SNRNP40: variants seen among roughly 807,000 people sequenced by gnomAD.
SNRNP40 encodes the protein U5 small nuclear ribonucleoprotein 40 kDa protein.
In SNRNP40, 21 loss-of-function variants were observed where a neutral mutation model predicts 45.8. The observed-to-expected ratio is 0.46, with a 90% CI of 0.32 to 0.66. SNRNP40 has a LOEUF of 0.66. SNRNP40 is among the 30% of genes least tolerant of loss of function. The probability of loss-of-function intolerance (pLI) is 0.03; values close to 1 mark genes in which losing one functional copy is unlikely to be tolerated. For synonymous variants in SNRNP40, 142 were observed against 163.8 expected (o/e 0.87, Z 1.01); for missense variants, 344 against 439.1 (o/e 0.78, Z 1.94).
intron 4 of SNRNP40, among the ~76,000 whole-genome samples, chr1:31,283,898 T>C (rs576857717): frequency 1.3e-3 from 200 of 152,142 alleles, no homozygotes; most frequent in South Asian, 0.011. Context: ...TCAACATGGA[T>C]CAAGGACCTA....
chr1:31,291,879 G>A (rs1487372668), intron 3 of SNRNP40, 34 bp downstream of exon 3: 27 of 1,400,014 alleles, frequency 1.9e-5, no homozygotes, highest in Non-Finnish European at 2.4e-5. Context: ...GAATTAGTAT[G>A]AGAAGCTGTC....
chr1:31,286,785 GC>G lies in SNRNP40; in HGVS notation c.531+2468del, dbSNP rs767613620. ...ACTACTCCCTACAATGTACTGCCCT[GC>G]CCAGTGTGGATGCTCTCCTTACCAC... is the stretch of plus-strand genomic sequence containing the variant. On this transcript the variant is annotated intron_variant, in intron 4 of 9. Transcript: ENST00000263694. Among the ~76,000 whole-genome samples, 9 of 152,214 alleles carry G rather than the reference GC, an allele frequency of 5.9e-5. No homozygotes were observed. The East Asian group carries it at 1.5e-3, about 26-fold the overall frequency.
rs1645910789 is a variant in SNRNP40 at position 31,267,936 on chromosome 1, T to C, written c.859-4A>G. 3 of 1,608,906 alleles carry C rather than the reference T, an allele frequency of 1.9e-6. No individual in the cohort carries two copies. The highest frequency in any genetic ancestry group is 1.7e-6 in the Non-Finnish European group (2 of 1,175,576). ...ACCAAGAACATCTCAGAAGGTTCTA[T>C]GATAAACAAGAATCCACTGAATAGT... is the stretch of plus-strand genomic sequence containing the variant. On this transcript the variant is annotated splice_region_variant and splice_polypyrimidine_tract_variant and intron_variant, in intron 7 of 9. Coordinates refer to ENST00000263694, the MANE Select transcript of SNRNP40 (RefSeq NM_004814.3).
At chr1:31,281,650 A>G (rs1164724993) in intron 4 of SNRNP40, 154 bp from the exon 5 acceptor site, 2 of 579,408 alleles carry the variant, frequency 3.5e-6, no homozygotes, top group East Asian at 3.0e-5. Flanking sequence ...AATAACACAC[A>G]TGGTAAGCAG....
Position 31,278,824 on chromosome 1 carries a change from CG to C in SNRNP40, c.654+2549del, listed in dbSNP as rs1488102397. On this transcript the variant is annotated intron_variant, in intron 5 of 9. Coordinates refer to ENST00000263694, the MANE Select transcript of SNRNP40 (RefSeq NM_004814.3). ...GGGATGATGGAGTTGTGGAAGTAGA[CG>C]AGATCTGTCTTGGGGAATGTACACA... Among the ~76,000 whole-genome samples the C allele has an allele frequency of 3.3e-5, 5 of 152,028 alleles. No homozygotes were observed. The South Asian group carries it at 1.0e-3, about 32-fold the overall frequency.
intron 9 of SNRNP40, chr1:31,260,909 T>C: frequency 6.0e-6 from 5 of 827,458 alleles, no homozygotes; most frequent in Non-Finnish European, 7.7e-6. Flanking sequence ...AATACATCAT[T>C]GAAACAGACT....
At position 31,260,644 on chromosome 1, in the gene SNRNP40, C is replaced by T. The variant is rs563876899; in HGVS notation, c.1025-523G>A. Reference sequence around the variant, plus strand: ...TGGGAAGCTGAGGCGGGTGGATTACCAGAGGTCAGGAGTTTGAGACCAGCC... The same window carrying T: ...TGGGAAGCTGAGGCGGGTGGATTACTAGAGGTCAGGAGTTTGAGACCAGCC... On this transcript the variant is annotated intron_variant, in intron 9 of 9. Coordinates refer to ENST00000263694, the MANE Select transcript of SNRNP40 (RefSeq NM_004814.3). 2.7e-3 allele frequency among the ~76,000 whole-genome samples: 403 copies of T among 147,016 alleles called. 1 individual carries two copies. Among genetic ancestry groups the T allele is most frequent in the Non-Finnish European group, 4.9e-3 (321 of 65,700 alleles).
At position 31,261,557 on chromosome 1, in the gene SNRNP40, T is replaced by C. The variant is rs752814895; in HGVS notation, c.996A>G (p.Glu332=). 1 of 1,613,954 alleles carries C rather than the reference T, an allele frequency of 6.2e-7. No homozygotes were observed. Among genetic ancestry groups the C allele is most frequent in the South Asian group, 1.1e-5 (1 of 91,078 alleles). ...TGGGCTCATCAGGGTGGAAAGCCAC[T>C]TCATTGATGGAGCCAGCATGGCCGG... is the stretch of plus-strand genomic sequence containing the variant. ...KLPGHAGSIN[E]VAFHPDEPII... is the part of the protein sequence containing the mutation. The change falls in exon 9 of 10, where the codon GAA becomes GAG. Residue 332 remains glutamate, a synonymous_variant. Transcript: ENST00000263694.
At chr1:31,266,467 G>A (rs1645897557) in intron 8 of SNRNP40, among the ~76,000 whole-genome samples, 1 of 152,046 alleles carries the variant, frequency 6.6e-6, no homozygotes, top group Non-Finnish European at 1.5e-5. Flanking sequence ...CATCAGACTC[G>A]ACACCTGGAC....
chr1:31,266,730 A>C (rs981109496), intron 8 of SNRNP40, among the ~76,000 whole-genome samples: 9 of 152,230 alleles, frequency 5.9e-5, no homozygotes, highest in Non-Finnish European at 1.0e-4. Context: ...CACAGCTCTG[A>C]ATCATCTCCA....
At chr1:31,268,005 G>A (rs972534504) in intron 7 of SNRNP40, 73 bp from the exon 8 acceptor site, 3 of 1,037,374 alleles carry the variant, frequency 2.9e-6, no homozygotes, top group African/African-American at 3.2e-5. Flanking sequence ...ATCACTAAGA[G>A]GCTTTAAATT....
Position 31,259,978 on chromosome 1 carries a change from G to T in SNRNP40, c.*94C>A. The T allele has an allele frequency of 2.2e-6, 2 of 905,282 alleles. No individual in the cohort carries two copies. The highest frequency in any genetic ancestry group is 1.9e-6 in the Non-Finnish European group (1 of 537,066). 56.1% of individuals were successfully genotyped at this position (905,282 alleles called of 1,614,324 possible). A position where few individuals can be genotyped will look rare whatever the true frequency, so the allele number is the denominator to read the frequency against. On this transcript the variant is annotated 3_prime_UTR_variant, in exon 10 of 10. Coordinates refer to ENST00000263694, the MANE Select transcript of SNRNP40 (RefSeq NM_004814.3). ...TCTTGCTAGCAATGGTCATCTGAAG[G>T]GAGGGTGCTAGCCTGGACATCCAAC...
chr1:31,292,429 A>G (rs1411952016), intron 2 of SNRNP40, among the ~76,000 whole-genome samples: 1 of 152,216 alleles, frequency 6.6e-6, no homozygotes, highest in African/African-American at 2.4e-5. Flanking sequence ...AAGCCTATCA[A>G]TAATTCATAT....
At position 31,296,759 on chromosome 1, in the gene SNRNP40, A is replaced by C. The variant is rs753928160; in HGVS notation, c.-8T>G. 2.5e-5 allele frequency: 40 copies of C among 1,593,726 alleles called. No homozygotes were observed. Among genetic ancestry groups the C allele is most frequent in the Non-Finnish European group, 3.3e-5 (39 of 1,169,730 alleles). Reference sequence around the variant, plus strand: ...CTTCTGCTGTTCTATCATGGCGGCAACCGGTCTCTTCAGCGCCGCCACTGA... The same window carrying C: ...CTTCTGCTGTTCTATCATGGCGGCACCCGGTCTCTTCAGCGCCGCCACTGA... On this transcript the variant is annotated 5_prime_UTR_variant, in exon 1 of 10. Transcript: ENST00000263694.
intron 5 of SNRNP40, among the ~76,000 whole-genome samples, chr1:31,272,068 T>C (rs1381245967): frequency 2.0e-5 from 3 of 152,114 alleles, no homozygotes; most frequent in Non-Finnish European, 4.4e-5. Context: ...TTTCAAATCA[T>C]AGCAAAGAAA....
intron 5 of SNRNP40, among the ~76,000 whole-genome samples, chr1:31,274,396 C>T (rs1361534683): frequency 6.6e-6 from 1 of 151,960 alleles, no homozygotes; most frequent in Non-Finnish European, 1.5e-5. Flanking sequence ...ACCACCACAC[C>T]CAGCTAATTT....
At chr1:31,272,149 C>T (rs905096396) in intron 5 of SNRNP40, among the ~76,000 whole-genome samples, 45 of 151,996 alleles carry the variant, frequency 3.0e-4, no homozygotes, top group African/African-American at 9.4e-4. Context: ...ATACATAAAA[C>T]GAACATGTCA....
intron 8 of SNRNP40, among the ~76,000 whole-genome samples, chr1:31,262,665 CA>C (rs573581277): frequency 6.6e-6 from 1 of 150,604 alleles, no homozygotes; most frequent in Non-Finnish European, 1.5e-5. Flanking sequence ...TAGAACTCTT[CA>C]AAAAAAAAGA....
In SNRNP40 at chr1:31,281,332, C is replaced by T. The variant is rs191162340; in HGVS notation, c.654+42G>A. On this transcript the variant is annotated intron_variant, in intron 5 of 9. Coordinates refer to ENST00000263694, the MANE Select transcript of SNRNP40 (RefSeq NM_004814.3). ...GTTTGAAAAAATTCGTTTCTAAGTG[C>T]AGATAGATGAAATGGAAATATATCA... 7.9e-6 allele frequency: 12 copies of T among 1,519,328 alleles called. No homozygotes were observed. The Admixed American group carries it at 1.0e-4, about 13-fold the overall frequency. The allele number at this position is 1,519,328 out of a possible 1,614,324, so 94.1% of individuals were successfully genotyped here. A position where few individuals can be genotyped will look rare whatever the true frequency, so the allele number is the denominator to read the frequency against.
Sources: gnomAD v4.1 joint callset for allele counts (sites outside exome capture counted in the v4.1 genomes callset) on GRCh38, gnomAD v4.1.1 for gene constraint, MANE v1.5 for transcripts, NCBI Gene and HGNC (gene_info 2026-07-23, HGNC 2026-07-21) for gene names.